The following ERC1 variants were observed in gnomAD, a reference collection of about 807,000 sequenced individuals.
ERC1 encodes RAB6 interacting protein 2.
In ERC1, 56 loss-of-function variants were observed where a neutral mutation model predicts 132.0. That is an observed-to-expected ratio of 0.42 (90% CI 0.34 to 0.53). The LOEUF (loss-of-function observed/expected upper bound fraction) is 0.53. ERC1 is among the 20% of genes least tolerant of loss of function. The probability of loss-of-function intolerance (pLI) is 0.03; values close to 1 mark genes in which losing one functional copy is unlikely to be tolerated. For missense variants in ERC1, 1,202 were observed against 1,349.9 expected (o/e 0.89, Z 1.72); for synonymous variants, 478 against 476.1 (o/e 1.00, Z -0.05).
chr12:1,200,964 A>C (rs548789767), intron 12 of ERC1, among the ~76,000 whole-genome samples: 1 of 152,114 alleles, frequency 6.6e-6, no homozygotes, highest in Non-Finnish European at 1.5e-5. Context: ...AAATATTTTT[A>C]TATTTCTTTT....
chr12:1,271,232 T>C (rs2077830789), intron 14 of ERC1, among the ~76,000 whole-genome samples: 1 of 152,200 alleles, frequency 6.6e-6, no homozygotes, highest in African/African-American at 2.4e-5. Flanking sequence ...GAGAGACTTT[T>C]GGTCTATGCA....
intron 8 of ERC1, among the ~76,000 whole-genome samples, chr12:1,149,586 A>G (rs1950659551): frequency 6.6e-6 from 1 of 152,092 alleles, no homozygotes; most frequent in South Asian, 2.1e-4. Context: ...TTTTGTAGAG[A>G]TGGGGTTTCA....
chr12:1,281,865 C>A (rs949379072), intron 14 of ERC1, among the ~76,000 whole-genome samples: 1 of 152,102 alleles, frequency 6.6e-6, no homozygotes, highest in Non-Finnish European at 1.5e-5. Context: ...CCCGTCTTAG[C>A]CTCTTTCTAA....
At chr12:1,399,415 C>T (rs1159478166) in intron 16 of ERC1, among the ~76,000 whole-genome samples, 2 of 152,186 alleles carry the variant, frequency 1.3e-5, no homozygotes, top group Non-Finnish European at 2.9e-5. Context: ...GTGTAACCAT[C>T]ACTACAATAC....
intron 17 of ERC1, among the ~76,000 whole-genome samples, chr12:1,416,560 A>G (rs1408064127): frequency 1.3e-5 from 2 of 152,232 alleles, no homozygotes; most frequent in African/African-American, 4.8e-5. Context: ...GGAGCTCACA[A>G]GAACAGTTAC....
intron 15 of ERC1, among the ~76,000 whole-genome samples, chr12:1,295,739 C>G (rs1352128305): frequency 2.0e-5 from 3 of 151,714 alleles, no homozygotes; most frequent in Non-Finnish European, 4.4e-5. Flanking sequence ...GATAGAGAAG[C>G]CTGGGAAATA....
chr12:1,052,435 A>G (rs1017522759), intron 2 of ERC1, among the ~76,000 whole-genome samples: 1 of 152,178 alleles, frequency 6.6e-6, no homozygotes, highest in South Asian at 2.1e-4. Flanking sequence ...CTTTTTGGTG[A>G]TAATAAACCG....
At chr12:1,441,021 C>G (rs749773143) in intron 17 of ERC1, among the ~76,000 whole-genome samples, 1 of 151,750 alleles carries the variant, frequency 6.6e-6, no homozygotes, top group Non-Finnish European at 1.5e-5. Flanking sequence ...TTTATTTAAT[C>G]AATTAGCCAT....
rs536279008 is a variant in ERC1 at position 1,271,541 on chromosome 12, T to C, written c.2619+8376T>C. ...TACATTATCGTCAGTTTTAGAATTG[T>C]TATCAGATATTTTTATTATTGATTT... On this transcript the variant is annotated intron_variant, in intron 14 of 18. Transcript: ENST00000360905. Among the ~76,000 whole-genome samples the C allele has an allele frequency of 6.6e-5, 10 of 152,324 alleles. No homozygotes were observed. The South Asian group carries it at 2.1e-3, about 32-fold the overall frequency.
intron 8 of ERC1, among the ~76,000 whole-genome samples, chr12:1,156,067 C>T (rs1951361541): frequency 1.3e-5 from 2 of 151,946 alleles, no homozygotes; most frequent in South Asian, 4.1e-4. Context: ...CAACTGGAAT[C>T]ATACTTTTTA....
At chr12:1,489,995 A>G (rs765991808) in intron 18 of ERC1, 98 bp from the exon 19 acceptor site, 10 of 1,330,390 alleles carry the variant, frequency 7.5e-6, no homozygotes, top group Non-Finnish European at 1.1e-5. Context: ...GAGACTTCAC[A>G]TACAGAGTGC....
chr12:1,098,464 C>G (rs1944303699), intron 3 of ERC1, among the ~76,000 whole-genome samples: 1 of 152,144 alleles, frequency 6.6e-6, no homozygotes. Context: ...TGGTTAGACT[C>G]AAGAAATACT....
At chr12:1,062,981 A>G (rs1938330837) in intron 2 of ERC1, among the ~76,000 whole-genome samples, 1 of 152,062 alleles carries the variant, frequency 6.6e-6, no homozygotes, top group Admixed American at 6.6e-5. Flanking sequence ...TTTTGACTTG[A>G]AAGTCTATTT....
chr12:1,315,509 C>T (rs963491678), intron 15 of ERC1, among the ~76,000 whole-genome samples: 1 of 151,856 alleles, frequency 6.6e-6, no homozygotes, highest in South Asian at 2.1e-4. Flanking sequence ...CGCCACAACG[C>T]CTAGCTAATT....
chr12:1,042,659 T>C (rs969444499), intron 2 of ERC1, among the ~76,000 whole-genome samples: 1 of 152,158 alleles, frequency 6.6e-6, no homozygotes, highest in African/African-American at 2.4e-5. Flanking sequence ...ATTTTTTTTT[T>C]TTTAAACCCA....
intron 1 of ERC1, among the ~76,000 whole-genome samples, chr12:1,013,645 CTT>C (rs1481826014): frequency 2.2e-4 from 33 of 152,260 alleles, no homozygotes; most frequent in African/African-American, 7.7e-4. Context: ...TGTTAGCAGA[CTT>C]AATACATTTT....
At chr12:1,305,168 C>T (rs2080786323) in intron 15 of ERC1, among the ~76,000 whole-genome samples, 2 of 152,132 alleles carry the variant, frequency 1.3e-5, no homozygotes, top group South Asian at 4.1e-4. Flanking sequence ...AGTCCTGTTC[C>T]TTCAGAGCAG....
intron 18 of ERC1, among the ~76,000 whole-genome samples, chr12:1,450,562 G>A (rs1319831659): frequency 6.6e-6 from 1 of 152,204 alleles, no homozygotes; most frequent in Non-Finnish European, 1.5e-5. Context: ...CACTCGGGTT[G>A]CTTCCACATT....
intron 15 of ERC1, among the ~76,000 whole-genome samples, chr12:1,342,513 A>C (rs79338908): frequency 0.011 from 1,605 of 151,702 alleles, 30 homozygotes; most frequent in African/African-American, 0.037. Context: ...AAATGCAGGG[A>C]TAGAGAAACC....
Sources: allele counts gnomAD v4.1 joint callset (sites outside exome capture counted in the v4.1 genomes callset), GRCh38; gene constraint gnomAD v4.1.1; transcripts MANE v1.5; gene names NCBI Gene and HGNC (gene_info 2026-07-23, HGNC 2026-07-21).